Variants in LIPH observed in about 807,000 individuals in gnomAD.
The protein encoded by LIPH is lipase member H.
LIPH carries 32 observed loss-of-function variants against 47.6 expected under a neutral mutation model. The ratio of observed to expected loss-of-function variants is 0.67; its 90% CI spans 0.51 to 0.90. The LOEUF is 0.90. LIPH is among the 40% of genes least tolerant of loss of function. The pLI, the probability that LIPH is intolerant of heterozygous loss-of-function variation, is 0.00. For missense variants in LIPH, 497 were observed against 541.4 expected (o/e 0.92, Z 0.81); for synonymous variants, 190 against 195.6 (o/e 0.97, Z 0.24).
At chr3:185,543,095 G>A (rs916025211) in intron 1 of LIPH, among the ~76,000 whole-genome samples, 2 of 152,080 alleles carry the variant, frequency 1.3e-5, no homozygotes, top group Admixed American at 6.6e-5. Context: ...TGTAATCCCC[G>A]CTACTCGGGA....
intron 1 of LIPH, among the ~76,000 whole-genome samples, chr3:185,549,248 G>C (rs925647916): frequency 4.6e-5 from 7 of 152,194 alleles, no homozygotes; most frequent in African/African-American, 1.7e-4. Context: ...ACCACTGGCT[G>C]TGTTTCTTTA....
chr3:185,546,029 G>C (rs1364534314), intron 1 of LIPH, among the ~76,000 whole-genome samples: 1 of 151,906 alleles, frequency 6.6e-6, no homozygotes. Flanking sequence ...AGCTGGGTGT[G>C]GTGGCACATG....
At chr3:185,541,874 A>T (rs1430672546) in intron 1 of LIPH, among the ~76,000 whole-genome samples, 1 of 151,360 alleles carries the variant, frequency 6.6e-6, no homozygotes, top group Non-Finnish European at 1.5e-5. Flanking sequence ...CTCCTACCTC[A>T]GTCTCCCGAG....
chr3:185,514,727 T>C (rs191648900), intron 7 of LIPH, among the ~76,000 whole-genome samples: 313 of 152,338 alleles, frequency 2.1e-3, no homozygotes, highest in Admixed American at 3.4e-3. Flanking sequence ...GCAGAGTTCA[T>C]TGGTTTCCAG....
chr3:185,532,956 G>T (rs1007485665), intron 3 of LIPH, among the ~76,000 whole-genome samples: 1 of 152,084 alleles, frequency 6.6e-6, no homozygotes, highest in African/African-American at 2.4e-5. Context: ...TAGCCATCTA[G>T]GTATGAGGAT....
chr3:185,546,766 C>T (rs1720886045), intron 1 of LIPH: 2 of 347,972 alleles, frequency 5.7e-6, no homozygotes, highest in Admixed American at 4.2e-5. Flanking sequence ...GATCACACTA[C>T]TGCACTCCAG....
At chr3:185,544,466 G>A (rs1010250434) in intron 1 of LIPH, among the ~76,000 whole-genome samples, 3 of 151,918 alleles carry the variant, frequency 2.0e-5, no homozygotes, top group Non-Finnish European at 2.9e-5. Context: ...TGATTCTCCT[G>A]CCTCAACCTC....
At chr3:185,541,810 G>A (rs559848465) in intron 1 of LIPH, among the ~76,000 whole-genome samples, 42 of 151,362 alleles carry the variant, frequency 2.8e-4, no homozygotes, top group South Asian at 1.5e-3. Flanking sequence ...AGGCTGGAGC[G>A]CAGGGTCATG....
At chr3:185,519,874 T>C (rs895447434) in intron 5 of LIPH, among the ~76,000 whole-genome samples, 6 of 145,732 alleles carry the variant, frequency 4.1e-5, no homozygotes, top group African/African-American at 1.5e-4. Flanking sequence ...AAAAAGACCT[T>C]GATTGCTCAC....
intron 9 of LIPH, among the ~76,000 whole-genome samples, chr3:185,509,460 C>T (rs931209563): frequency 4.0e-5 from 6 of 151,204 alleles, no homozygotes; most frequent in African/African-American, 1.5e-4. Flanking sequence ...GAAACACTGT[C>T]TCTACTAAAA....
rs796155621 is a variant in LIPH, at chr3:185,529,976, A to AAGAAAGAAAG, written c.527-2392_527-2391insCTTTCTTTCT. On this transcript the variant is annotated intron_variant, in intron 3 of 9. Transcript: ENST00000296252. ...AAAGAAAGAAAGAAGGAAAGAAAGAAAGAGAGAGAGAGAGAAAATAAGCAG... is the reference window on the plus strand; with the variant it reads ...AAAGAAAGAAAGAAGGAAAGAAAGAAAGAAAGAAAGAGAGAGAGAGAGAGAAAATAAGCAG... 3.4e-3 allele frequency among the ~76,000 whole-genome samples: 352 copies of AAGAAAGAAAG among 104,946 alleles called. 3 individuals are homozygous for AAGAAAGAAAG. Among genetic ancestry groups the AAGAAAGAAAG allele is most frequent in the Non-Finnish European group, 4.5e-3 (214 of 47,164 alleles). The allele number at this position is 104,946 out of a possible 152,430, so 68.8% of individuals were successfully genotyped here. A position where few individuals can be genotyped will look rare whatever the true frequency, so the allele number is the denominator to read the frequency against.
At chr3:185,512,719 C>T (rs1172410976) in intron 8 of LIPH, among the ~76,000 whole-genome samples, 4 of 151,828 alleles carry the variant, frequency 2.6e-5, no homozygotes, top group African/African-American at 9.7e-5. Flanking sequence ...GAACTCCTGA[C>T]CTCAGGTGAT....
At chr3:185,546,489 C>T (rs1253658244) in intron 1 of LIPH, among the ~76,000 whole-genome samples, 1 of 151,762 alleles carries the variant, frequency 6.6e-6, no homozygotes, top group African/African-American at 2.4e-5. Context: ...TGGCAACACC[C>T]ATCTCTTTAA....
At chr3:185,514,142 AAG>A (rs1367316329) in intron 8 of LIPH, among the ~76,000 whole-genome samples, 1 of 152,140 alleles carries the variant, frequency 6.6e-6, no homozygotes, top group African/African-American at 2.4e-5. Context: ...AAGAGAGGGA[AAG>A]AGGGAGGAAA....
intron 3 of LIPH, among the ~76,000 whole-genome samples, chr3:185,527,851 G>T (rs916938490): frequency 2.2e-4 from 33 of 150,172 alleles, no homozygotes; most frequent in African/African-American, 8.1e-4. Flanking sequence ...CAACAGTAGG[G>T]AACGTACACG....
In LIPH at chr3:185,511,529, C is replaced by T. The variant is rs760942471; in HGVS notation, c.1263G>A (p.Pro421=). Residue 421 remains proline (P), a synonymous_variant, in exon 9 of 10, where the codon CCG becomes CCA. Coordinates refer to ENST00000296252, the MANE Select transcript of LIPH (RefSeq NM_139248.3). ...AAACCGTACCCTCAGCTCACCTCTCCGGATGGGCAAGGGACCTTAACTTCA... is the reference window on the plus strand; with the variant it reads ...AAACCGTACCCTCAGCTCACCTCTCTGGATGGGCAAGGGACCTTAACTTCA... The part of the protein sequence containing the change: ...LRMKLRSLAH[P]ERPQLCRYDL... 85 of 1,614,036 alleles carry T rather than the reference C, an allele frequency of 5.3e-5. No individual in the cohort carries two copies. The highest frequency in any genetic ancestry group is 1.2e-4 in the African/African-American group (9 of 74,928).
At chr3:185,534,698 G>A in intron 2 of LIPH, 67 bp downstream of exon 2, 10 of 1,546,454 alleles carry the variant, frequency 6.5e-6, no homozygotes, top group Non-Finnish European at 8.9e-6. Flanking sequence ...CTATCTCTTG[G>A]CTTTAAGCCC....
Position 185,511,699 on chromosome 3 carries a change from T to G in LIPH, c.1095-2A>C. 1 of 1,607,796 alleles carries G rather than the reference T, an allele frequency of 6.2e-7. No individual in the cohort carries two copies. Among genetic ancestry groups the G allele is most frequent in the Non-Finnish European group, 8.5e-7 (1 of 1,174,316 alleles). ...TATTTCTGAAATGTGGTGGGTTCAC[T>G]GGAAGGAAGAAGTAATACTGAAAAA... On this transcript the variant is annotated splice_acceptor_variant, in intron 8 of 9. Transcript: ENST00000296252. LOFTEE classifies it high-confidence loss of function.
chr3:185,548,833 C>T (rs1042814095), intron 1 of LIPH, among the ~76,000 whole-genome samples: 7 of 151,980 alleles, frequency 4.6e-5, no homozygotes, highest in African/African-American at 1.4e-4. Flanking sequence ...CAGGGTCAAA[C>T]CTGGTGAAGC....
Sources: gnomAD v4.1 joint callset for allele counts (sites outside exome capture counted in the v4.1 genomes callset) on GRCh38, gnomAD v4.1.1 for gene constraint, MANE v1.5 for transcripts, NCBI Gene and HGNC (gene_info 2026-07-23, HGNC 2026-07-21) for gene names.